The following EIF4B variants were observed in gnomAD, a reference collection of about 807,000 sequenced individuals.
The protein encoded by EIF4B is eukaryotic translation initiation factor 4B.
EIF4B carries 8 observed loss-of-function variants against 79.3 expected under a neutral mutation model. The ratio of observed to expected loss-of-function variants is 0.10; its 90% CI spans 0.06 to 0.18. EIF4B has a LOEUF of 0.18. EIF4B is among the 10% of genes least tolerant of loss of function. The pLI is 1.00. For missense variants in EIF4B, 515 were observed against 792.4 expected (o/e 0.65, Z 4.20); for synonymous variants, 238 against 274.7 (o/e 0.87, Z 1.32).
At chr12:53,026,469 T>A (rs1235045994) in intron 6 of EIF4B, among the ~76,000 whole-genome samples, 2 of 152,260 alleles carry the variant, frequency 1.3e-5, no homozygotes, top group Non-Finnish European at 1.5e-5. Flanking sequence ...TGTACATGTA[T>A]CTTTATCACA....
At position 53,041,421 on chromosome 12, in the gene EIF4B, TCCC is replaced by T. The variant is rs1173865906; in HGVS notation, c.*1202_*1204del. On this transcript the variant is annotated 3_prime_UTR_variant, in exon 15 of 15. Transcript: ENST00000262056. ...TTTCTTACAACCTTGATGGGATTTT[TCCC>T]CCCAAGTTTCCTTCTCCACTGAAAT... 1 of 152,088 alleles carries T rather than the reference TCCC, an allele frequency of 6.6e-6. No homozygotes were observed. Among genetic ancestry groups the T allele is most frequent in the Non-Finnish European group, 1.5e-5 (1 of 68,014 alleles). The allele number at this position is 152,088 out of a possible 1,614,324, so 9.4% of individuals were successfully genotyped here.
rs1943365405 is a variant in EIF4B at position 53,027,887 on chromosome 12, A to G, written c.773A>G (p.Tyr258Cys). The change falls in exon 7 of 15, where the codon TAT becomes TGT. Residue 258 changes from tyrosine (Y) to cysteine (C), a missense_variant. By Grantham distance (194) the Tyr-to-Cys change is radical. This residue lies in a region of EIF4B where 187 missense variants were observed against 256.5 expected (regional missense o/e 0.73). Coordinates refer to ENST00000262056, the MANE Select transcript of EIF4B (RefSeq NM_001417.7). ...DMDRYGGRDRYDDRGSRDYDR... is the reference protein window; with the variant it reads ...DMDRYGGRDRCDDRGSRDYDR... ...GATCGATATGGTGGCCGGGATCGCTATGATGACCGAGGCAGCAGAGACTAT... is the reference window on the plus strand; with the variant it reads ...GATCGATATGGTGGCCGGGATCGCTGTGATGACCGAGGCAGCAGAGACTAT... 3.7e-6 allele frequency: 6 copies of G among 1,614,276 alleles called. No individual in the cohort carries two copies. The highest frequency in any genetic ancestry group is 3.3e-4 in the Middle Eastern group (2 of 6,060).
chr12:53,038,421 TA>T lies in EIF4B; in HGVS notation c.1576+11del. 1 of 1,582,978 alleles carries T rather than the reference TA, an allele frequency of 6.3e-7. No homozygotes were observed. On this transcript the variant is annotated intron_variant, in intron 12 of 14. Transcript: ENST00000262056. ...GGACCAGGAAGGAAAGGTGAGCTCATAGTATGGGAAATAGGTTTTTCACCTA... is the reference window on the plus strand; with the variant it reads ...GGACCAGGAAGGAAAGGTGAGCTCATGTATGGGAAATAGGTTTTTCACCTA...
intron 10 of EIF4B, among the ~76,000 whole-genome samples, chr12:53,036,878 G>A (rs1943549539): frequency 6.6e-6 from 1 of 152,126 alleles, no homozygotes; most frequent in Non-Finnish European, 1.5e-5. Context: ...TAGAGCTGGG[G>A]TTTCACCATG....
intron 12 of EIF4B, chr12:53,038,705 C>T: frequency 5.8e-6 from 1 of 173,790 alleles, no homozygotes; most frequent in Middle Eastern, 2.4e-3. Context: ...ATCCCAGCTA[C>T]TCGGGAGACG....
chr12:53,017,923 C>T (rs1182710408), intron 2 of EIF4B, among the ~76,000 whole-genome samples: 1 of 152,166 alleles, frequency 6.6e-6, no homozygotes, highest in East Asian at 1.9e-4. Context: ...TCGTACTTCC[C>T]ATAGGTGTTG....
chr12:53,022,173 G>A (rs1313883483), intron 5 of EIF4B: 1 of 664,220 alleles, frequency 1.5e-6, no homozygotes, highest in Non-Finnish European at 2.7e-6. Flanking sequence ...TGATCTAGAT[G>A]AACATTAAAT....
At chr12:53,021,989 T>C in intron 5 of EIF4B, 129 bp downstream of exon 5, 2 of 1,157,354 alleles carry the variant, frequency 1.7e-6, no homozygotes, top group Non-Finnish European at 2.5e-6. Flanking sequence ...TTTCAATCAG[T>C]TTTGCCCCAC....
intron 10 of EIF4B, among the ~76,000 whole-genome samples, 166 bp downstream of exon 10, chr12:53,034,875 A>G (rs1403883361): frequency 1.3e-5 from 2 of 151,618 alleles, no homozygotes; most frequent in African/African-American, 4.8e-5. Context: ...AATCTGAGGA[A>G]TGGGTACCAG....
chr12:53,033,752 G>A, intron 8 of EIF4B, 54 bp from the exon 9 acceptor site: 2 of 1,522,848 alleles, frequency 1.3e-6, no homozygotes, highest in East Asian at 2.3e-5. Context: ...CTGGCTTTCA[G>A]CCATCAGCTT....
intron 6 of EIF4B, among the ~76,000 whole-genome samples, chr12:53,024,599 A>G (rs1010799597): frequency 2.6e-5 from 4 of 152,210 alleles, no homozygotes; most frequent in South Asian, 2.1e-4. Flanking sequence ...ACTTTTCTGT[A>G]TGTTTGAAAT....
At chr12:53,032,374 A>C (rs1358578923) in intron 8 of EIF4B, among the ~76,000 whole-genome samples, 1 of 152,204 alleles carries the variant, frequency 6.6e-6, no homozygotes, top group African/African-American at 2.4e-5. Context: ...CAGAGGTTGC[A>C]GTGAGTTGAG....
intron 11 of EIF4B, 115 bp downstream of exon 11, chr12:53,037,737 T>C (rs891353338): frequency 8.7e-7 from 1 of 1,155,856 alleles, no homozygotes; most frequent in Non-Finnish European, 1.2e-6. Flanking sequence ...TAAGTTATGC[T>C]GGCTTTAGTC....
rs900092486 is a variant in EIF4B at position 53,037,280 on chromosome 12, G to A, written c.1307-129G>A. 5 of 961,414 alleles carry A rather than the reference G, an allele frequency of 5.2e-6. No homozygotes were observed. The East Asian group carries it at 1.0e-4, about 20-fold the overall frequency. The allele number at this position is 961,414 out of a possible 1,614,324, so 59.6% of individuals were successfully genotyped here. A position where few individuals can be genotyped will look rare whatever the true frequency, so the allele number is the denominator to read the frequency against. The stretch of plus-strand genomic sequence containing the variant: ...GTTCTGGAAATACTTGTAAACCACT[G>A]GTTTAGGGATAAATCCATCTTTGGG... On this transcript the variant is annotated intron_variant, in intron 10 of 14. Transcript: ENST00000262056.
chr12:53,008,854 G>A (rs144682449), intron 1 of EIF4B, among the ~76,000 whole-genome samples: 2,297 of 152,142 alleles, frequency 0.015, 28 homozygotes, highest in Admixed American at 0.019. Flanking sequence ...GACCAACATG[G>A]TGAAACTCTG....
intron 6 of EIF4B, among the ~76,000 whole-genome samples, chr12:53,027,395 G>A (rs1467078335): frequency 6.6e-6 from 1 of 151,534 alleles, no homozygotes; most frequent in African/African-American, 2.4e-5. Context: ...GGCTCCCAAA[G>A]TGCTGCTGGG....
At chr12:53,016,759 T>A in intron 2 of EIF4B, 149 bp downstream of exon 2, 1 of 1,215,916 alleles carries the variant, frequency 8.2e-7, no homozygotes, top group Non-Finnish European at 1.1e-6. Context: ...ATCTAAGGTT[T>A]AATCTGAGGT....
intron 11 of EIF4B, 98 bp from the exon 12 acceptor site, chr12:53,038,258 C>T: frequency 3.7e-6 from 4 of 1,067,640 alleles, no homozygotes; most frequent in Non-Finnish European, 5.3e-6. Context: ...ATTTTGTTTT[C>T]TATAAAGCTT....
intron 1 of EIF4B, among the ~76,000 whole-genome samples, chr12:53,015,878 T>C (rs761666864): frequency 2.0e-5 from 3 of 149,642 alleles, no homozygotes; most frequent in Admixed American, 6.7e-5. Flanking sequence ...TTCGGGAGGC[T>C]GAGGCAGGAG....
Sources: allele counts gnomAD v4.1 joint callset (sites outside exome capture counted in the v4.1 genomes callset), GRCh38; gene constraint gnomAD v4.1.1; regional missense constraint gnomAD v4.1.1; transcripts MANE v1.5; gene names NCBI Gene and HGNC (gene_info 2026-07-23, HGNC 2026-07-21).